RNF144A: variants seen among roughly 807,000 people sequenced by gnomAD.
RNF144A encodes E3 ubiquitin-protein ligase RNF144A.
RNF144A carries 11 observed loss-of-function variants against 38.7 expected under a neutral mutation model. That is an observed-to-expected ratio of 0.28 (90% CI 0.18 to 0.47). The LOEUF is 0.47. RNF144A is among the 20% of genes least tolerant of loss of function. The pLI is 0.99. For missense variants in RNF144A, 316 were observed against 377.2 expected (o/e 0.84, Z 1.34); for synonymous variants, 149 against 143.9 (o/e 1.04, Z -0.25).
At chr2:6,994,956 C>G (rs1320779836) in intron 2 of RNF144A, among the ~76,000 whole-genome samples, 1 of 152,192 alleles carries the variant, frequency 6.6e-6, no homozygotes, top group African/African-American at 2.4e-5. Flanking sequence ...TTCTGCCTCT[C>G]ATGTCCTTCG....
chr2:6,981,989 GGA>G (rs371562289), intron 2 of RNF144A, among the ~76,000 whole-genome samples: 2 of 152,146 alleles, frequency 1.3e-5, no homozygotes, highest in African/African-American at 4.8e-5. Context: ...CAAGGCGGCA[GGA>G]GAGAGAGAGC....
At chr2:7,059,259 A>G (rs1397262782) in intron 6 of RNF144A, among the ~76,000 whole-genome samples, 1 of 152,132 alleles carries the variant, frequency 6.6e-6, no homozygotes, top group Non-Finnish European at 1.5e-5. Context: ...AGGCAGGAGT[A>G]TGGCATGAAC....
intron 5 of RNF144A, among the ~76,000 whole-genome samples, chr2:7,016,053 A>G (rs2103421672): frequency 6.6e-6 from 1 of 150,460 alleles, no homozygotes; most frequent in African/African-American, 2.4e-5. Flanking sequence ...TATAGTCTCA[A>G]CTACTCAGGA....
chr2:7,049,696 TCAA>T (rs1411737374), intron 6 of RNF144A, among the ~76,000 whole-genome samples: 2 of 152,172 alleles, frequency 1.3e-5, no homozygotes, highest in Non-Finnish European at 2.9e-5. Context: ...AAAGGAGGAA[TCAA>T]CATATTAATG....
intron 6 of RNF144A, among the ~76,000 whole-genome samples, chr2:7,051,187 C>T (rs1673509135): frequency 1.3e-5 from 2 of 152,122 alleles, no homozygotes; most frequent in Non-Finnish European, 1.5e-5. Flanking sequence ...ATGGAGAGAG[C>T]AGGGGGTTGC....
At chr2:6,981,419 G>A (rs566991906) in intron 2 of RNF144A, among the ~76,000 whole-genome samples, 6 of 152,132 alleles carry the variant, frequency 3.9e-5, no homozygotes, top group African/African-American at 9.6e-5. Flanking sequence ...AAGCCAGGTC[G>A]CATCTCGATG....
intron 2 of RNF144A, among the ~76,000 whole-genome samples, chr2:6,995,040 G>A (rs1054861094): frequency 6.6e-6 from 1 of 152,120 alleles, no homozygotes; most frequent in African/African-American, 2.4e-5. Flanking sequence ...GGCCAGACGT[G>A]TCTTCTCCCT....
chr2:6,926,468 C>G (rs1664874790), intron 1 of RNF144A, among the ~76,000 whole-genome samples: 1 of 152,238 alleles, frequency 6.6e-6, no homozygotes. Flanking sequence ...CTGCCTTTCC[C>G]TCTCTTACCT....
At chr2:6,995,939 T>C (rs1669709669) in intron 2 of RNF144A, among the ~76,000 whole-genome samples, 1 of 151,848 alleles carries the variant, frequency 6.6e-6, no homozygotes, top group Non-Finnish European at 1.5e-5. Flanking sequence ...GTGATCTCCC[T>C]TCATCCTCAG....
In RNF144A at chr2:6,943,303, AGGAGCAT is replaced by A. The variant is rs905722506; in HGVS notation, c.-12+2161_-12+2167del. Among the ~76,000 whole-genome samples the A allele has an allele frequency of 6.6e-6, 1 of 152,244 alleles. No individual in the cohort carries two copies. The highest frequency in any genetic ancestry group is 2.4e-5 in the African/African-American group (1 of 41,476). Reference sequence around the variant, plus strand: ...CAACCAGGGAGGAAGCGGGGGAACCAGGAGCATGGAGAGGACTGAGAATGGAGGCTCG... The same window carrying A: ...CAACCAGGGAGGAAGCGGGGGAACCAGGAGAGGACTGAGAATGGAGGCTCG... On this transcript the variant is annotated intron_variant, in intron 2 of 8. Coordinates refer to ENST00000320892, the MANE Select transcript of RNF144A (RefSeq NM_014746.6). The surrounding 1 kb of genome is among the most constrained non-coding windows in gnomAD (Gnocchi z 4.3).
chr2:6,965,481 GA>G (rs1158682837), intron 2 of RNF144A, among the ~76,000 whole-genome samples: 3 of 152,154 alleles, frequency 2.0e-5, no homozygotes, highest in African/African-American at 7.2e-5. Flanking sequence ...GGCCTTTATG[GA>G]GTTTAAGGGA....
downstream of RNF144A, among the ~76,000 whole-genome samples, chr2:7,069,206 A>G (rs905414332): frequency 5.9e-5 from 9 of 152,096 alleles, no homozygotes; most frequent in African/African-American, 2.2e-4. Context: ...GGCTCTGGCC[A>G]CCCTCCCATT....
intron 7 of RNF144A, among the ~76,000 whole-genome samples, chr2:7,029,779 C>G (rs1672158697): frequency 1.3e-5 from 2 of 152,238 alleles, no homozygotes; most frequent in Admixed American, 6.5e-5. Flanking sequence ...TTCAGTAGCC[C>G]TTTGTCCCCA....
At position 7,041,888 on chromosome 2, in the gene RNF144A, G is replaced by C. The variant is rs1048029097; in HGVS notation, c.*2128G>C. On this transcript the variant is annotated 3_prime_UTR_variant, in exon 9 of 9. Transcript: ENST00000320892. ...GAGCTCAGATGACCTTATTTCTAGA[G>C]GGACAGGCTGTTCTGTTGGAAGAGT... 6.1e-6 allele frequency: 6 copies of C among 985,422 alleles called. No individual in the cohort carries two copies. Among genetic ancestry groups the C allele is most frequent in the Non-Finnish European group, 7.2e-6 (6 of 829,970 alleles). 61.0% of individuals were successfully genotyped at this position (985,422 alleles called of 1,614,324 possible).
At position 6,944,817 on chromosome 2, in the gene RNF144A, G is replaced by A. The variant is rs1666231127; in HGVS notation, c.-12+3670G>A. Among the ~76,000 whole-genome samples the A allele has an allele frequency of 6.6e-6, 1 of 152,168 alleles. No individual in the cohort carries two copies. The highest frequency in any genetic ancestry group is 1.5e-5 in the Non-Finnish European group (1 of 68,038). ...AACAAATTCCAAGAACTGTGAAATGGCTTCATATTCACAAAAGAGTCATGG... is the reference window on the plus strand; with the variant it reads ...AACAAATTCCAAGAACTGTGAAATGACTTCATATTCACAAAAGAGTCATGG... On this transcript the variant is annotated intron_variant, in intron 2 of 8. Transcript: ENST00000320892. This position sits in a 1 kb window ranked among gnomAD's most constrained non-coding sequence, Gnocchi z 4.7.
At chr2:6,960,351 G>A (rs1437671121) in intron 2 of RNF144A, among the ~76,000 whole-genome samples, 1 of 152,142 alleles carries the variant, frequency 6.6e-6, no homozygotes, top group Non-Finnish European at 1.5e-5. Context: ...TAAAAAATGA[G>A]CCCAGCTGAA....
chr2:7,061,301 A>G (rs1673943755), intron 6 of RNF144A, among the ~76,000 whole-genome samples: 1 of 152,216 alleles, frequency 6.6e-6, no homozygotes, highest in Non-Finnish European at 1.5e-5. Context: ...TCTGACTTCC[A>G]ATGTCAGCAC....
chr2:6,973,501 G>C (rs539174137), intron 2 of RNF144A, among the ~76,000 whole-genome samples: 1 of 152,204 alleles, frequency 6.6e-6, no homozygotes, highest in Non-Finnish European at 1.5e-5. Context: ...TCACTTCACA[G>C]TACAGGGCGG....
chr2:7,035,757 C>T (rs1199992640), intron 8 of RNF144A, among the ~76,000 whole-genome samples: 2 of 152,168 alleles, frequency 1.3e-5, no homozygotes, highest in Non-Finnish European at 2.9e-5. Flanking sequence ...GGAATTCCAA[C>T]GTGTCTCTTT....
Sources: gnomAD v4.1 joint callset for allele counts (sites outside exome capture counted in the v4.1 genomes callset) on GRCh38, gnomAD v4.1.1 for gene constraint, Gnocchi (gnomAD v3.1) non-coding constraint, MANE v1.5 for transcripts, NCBI Gene and HGNC (gene_info 2026-07-23, HGNC 2026-07-21) for gene names.